Variants in TTN observed in about 807,000 individuals in gnomAD.
The protein encoded by TTN is titin.
TTN carries 1,525 observed loss-of-function variants against 3,223.0 expected under a neutral mutation model. The ratio of observed to expected loss-of-function variants is 0.47; its 90% CI spans 0.45 to 0.49. The LOEUF (loss-of-function observed/expected upper bound fraction) is 0.49, where lower values mean the gene tolerates loss of function less well. TTN is among the 20% of genes least tolerant of loss of function. The probability of loss-of-function intolerance (pLI) is 0.00; values close to 1 mark genes in which losing one functional copy is unlikely to be tolerated. For missense variants in TTN, 40,786 were observed against 43,424.0 expected, an observed-to-expected ratio of 0.94 and a Z score of 5.40; for synonymous variants, 14,094 against 15,161.0, an observed-to-expected ratio of 0.93 and a Z score of 5.17.
At position 178,588,979 on chromosome 2, in the gene TTN, C is replaced by A; in HGVS notation, c.62746G>T (p.Ala20916Ser). 6.2e-7 allele frequency: 1 copy of A among 1,612,214 alleles called. No homozygotes were observed. The highest frequency in any genetic ancestry group is 2.2e-5 in the East Asian group (1 of 44,566). The change falls in exon 304 of 363, where the codon GCT becomes TCT. Residue 20916 changes from alanine (A) to serine (S), a missense_variant. Transcript: ENST00000589042. ...GTAGTACCAGGTGTCAAGACAGTAG[C>A]AGAATAGGTAGACCAAACCATTCGC... is the stretch of plus-strand genomic sequence containing the variant. ...TKRMVWSTYS[A>S]TVLTPGTTVT...
chr2:178,764,303 C>A lies in TTN; in HGVS notation c.9989-1G>T. On this transcript the variant is annotated splice_acceptor_variant, in intron 42 of 362. Coordinates refer to ENST00000589042, the MANE Select transcript of TTN (RefSeq NM_001267550.2). LOFTEE classifies it high-confidence loss of function. ...TGATCAGGAGACACAACTTCTGGAACTAAAGAAAGAAACCACAAGATTTGT... is the reference window on the plus strand; with the variant it reads ...TGATCAGGAGACACAACTTCTGGAAATAAAGAAAGAAACCACAAGATTTGT... 6.2e-7 allele frequency: 1 copy of A among 1,613,826 alleles called. No homozygotes were observed. The highest frequency in any genetic ancestry group is 2.2e-5 in the East Asian group (1 of 44,770).
At chr2:178,715,335 C>T in intron 89 of TTN, 71 bp from the exon 90 acceptor site, 1 of 1,519,490 alleles carries the variant, frequency 6.6e-7, no homozygotes, top group Non-Finnish European at 8.8e-7. Context: ...ATCAATCTTC[C>T]ACTCCATCAG....
In TTN at chr2:178,568,285, T is replaced by G. The variant is rs2154166864; in HGVS notation, c.77847A>C (p.Thr25949=). ...DVVSATVART[T]LKVTKLKTGT... is the part of the protein sequence containing the mutation. ...CAGTTTTCAGTTTGGTCACTTTGAGTGTAGTTCTAGCAACAGTAGCAGAAA... is the reference window on the plus strand; with the variant it reads ...CAGTTTTCAGTTTGGTCACTTTGAGGGTAGTTCTAGCAACAGTAGCAGAAA... The change falls in exon 326 of 363, where the codon ACA becomes ACC. Residue 25949 remains threonine (T), a synonymous_variant. Coordinates refer to ENST00000589042, the MANE Select transcript of TTN (RefSeq NM_001267550.2). The G allele has an allele frequency of 2.5e-6, 4 of 1,613,506 alleles. No homozygotes were observed. Among genetic ancestry groups the G allele is most frequent in the South Asian group, 2.2e-5 (2 of 91,076 alleles).
intron 156 of TTN, 142 bp downstream of exon 156, chr2:178,670,948 A>G (rs1319275231): frequency 3.1e-6 from 2 of 640,250 alleles, no homozygotes; most frequent in Non-Finnish European, 5.2e-6. Context: ...CAGCTGCTTT[A>G]AAGATATTAG....
chr2:178,611,455 A>T lies in TTN; in HGVS notation c.50774T>A (p.Val16925Asp). 1 of 1,612,918 alleles carries T rather than the reference A, an allele frequency of 6.2e-7. No homozygotes were observed. Among genetic ancestry groups the T allele is most frequent in the Non-Finnish European group, 8.5e-7 (1 of 1,179,324 alleles). ...EEGVVPDKEY[V>D]LRVRAVNAIG... ...AGCATTGACTGCTCTCACTCTCAGG[A>T]CATATTCTTTGTCAGGAACAACACC... The change falls in exon 269 of 363, where the codon GTC (valine) becomes GAC (aspartate). Residue 16925 changes from valine (V) to aspartate (D), a missense_variant. Coordinates refer to ENST00000589042, the MANE Select transcript of TTN (RefSeq NM_001267550.2).
At chr2:178,748,418 T>A (rs779788405) in intron 47 of TTN, 1 of 1,613,166 alleles carries the variant, frequency 6.2e-7, no homozygotes, top group Admixed American at 1.7e-5. Context: ...TTTAGAGATA[T>A]TGTGTGTGTC....
At position 178,771,232 on chromosome 2, in the gene TTN, A is replaced by C. The variant is rs373857878; in HGVS notation, c.8095T>G (p.Ser2699Ala). The C allele has an allele frequency of 2.9e-5, 46 of 1,613,954 alleles. No homozygotes were observed. The highest frequency in any genetic ancestry group is 3.6e-5 in the Non-Finnish European group (43 of 1,179,990). The change falls in exon 34 of 363, where the codon TCT (serine) becomes GCT (alanine). Residue 2699 changes from serine (S) to alanine (A), a missense_variant. Coordinates refer to ENST00000589042, the MANE Select transcript of TTN (RefSeq NM_001267550.2). The part of the protein sequence containing the change: ...YTYKVATSKT[S>A]AKLKVEAVKI... ...TTGCCTTCAACTTTGAGTTTGGCAG[A>C]TGTTTTGGAGGTGGCCACCTTGTAG...
In TTN at chr2:178,800,595, G is replaced by T. The variant is rs769628564; in HGVS notation, c.383C>A (p.Thr128Asn). 1.2e-6 allele frequency: 2 copies of T among 1,614,016 alleles called. No individual in the cohort carries two copies. Among genetic ancestry groups the T allele is most frequent in the South Asian group, 2.2e-5 (2 of 91,060 alleles). ...CTTCACCACAGGTGTAGGGATTCCA[G>T]TCACTCTCACTTGGAGTCTCACTTG... ...GSQVRLQVRV[T>N]GIPTPVVKFY... The change falls in exon 4 of 363, where the codon ACT (threonine) becomes AAT (asparagine). Residue 128 changes from threonine to asparagine, a missense_variant. Physicochemically the swap from Thr to Asn is moderately conservative, Grantham distance 65. Coordinates refer to ENST00000589042, the MANE Select transcript of TTN (RefSeq NM_001267550.2).
rs182246497 is a variant in TTN, at chr2:178,575,284, A to T, written c.70848T>A (p.Pro23616=). ...MAVNSAGRSA[P]RESRPVIVKE... is the part of the protein sequence containing the mutation. ...TGACAATGACGGGTCTGCTTTCTCTAGGGGCACTTCTCCCCGCGCTGTTCA... is the reference window on the plus strand; with the variant it reads ...TGACAATGACGGGTCTGCTTTCTCTTGGGGCACTTCTCCCCGCGCTGTTCA... Residue 23616 remains proline, a synonymous_variant, in exon 326 of 363, where the codon CCT becomes CCA. Coordinates refer to ENST00000589042, the MANE Select transcript of TTN (RefSeq NM_001267550.2). The surrounding 1 kb of genome is among the most constrained non-coding windows in gnomAD (Gnocchi z 4.0). 2 of 1,613,318 alleles carry T rather than the reference A, an allele frequency of 1.2e-6. No homozygotes were observed. The highest frequency in any genetic ancestry group is 4.5e-5 in the East Asian group (2 of 44,664).
Position 178,795,090 on chromosome 2 carries a change from C to A in TTN, c.1077G>T (p.Met359Ile). 2 of 1,614,048 alleles carry A rather than the reference C, an allele frequency of 1.2e-6. No homozygotes were observed. Among genetic ancestry groups the A allele is most frequent in the Non-Finnish European group, 1.7e-6 (2 of 1,180,014 alleles). Residue 359 changes from methionine (M) to isoleucine (I), a missense_variant, in exon 7 of 363, where the codon ATG becomes ATT. Transcript: ENST00000589042. ...GYVASSSEAEMRETTLTTSTQ... is the reference protein window; with the variant it reads ...GYVASSSEAEIRETTLTTSTQ... ...TAGAGGTTGTCAGCGTTGTCTCTCT[C>A]ATCTCAGCCTCAGATGAGGAGGCCA...
In TTN at chr2:178,560,141, C is replaced by T; in HGVS notation, c.85991G>A (p.Gly28664Asp). ...PPSKPKIVDSGKTTITIAWVK... is the reference protein window; with the variant it reads ...PPSKPKIVDSDKTTITIAWVK... ...CCAGGCAATAGTTATAGTTGTCTTGCCTGAGTCCACAATTTTGGGTTTGGA... is the reference window on the plus strand; with the variant it reads ...CCAGGCAATAGTTATAGTTGTCTTGTCTGAGTCCACAATTTTGGGTTTGGA... Residue 28664 changes from glycine to aspartate, a missense_variant, in exon 326 of 363, where the codon GGC (glycine) becomes GAC (aspartate). Transcript: ENST00000589042. 1 of 1,613,592 alleles carries T rather than the reference C, an allele frequency of 6.2e-7. No homozygotes were observed. The highest frequency in any genetic ancestry group is 1.7e-4 in the Middle Eastern group (1 of 6,054).
At chr2:178,664,318 T>G in intron 168 of TTN, 142 bp downstream of exon 168, 1 of 790,616 alleles carries the variant, frequency 1.3e-6, no homozygotes, top group East Asian at 2.6e-5. Flanking sequence ...TTGAAGATAT[T>G]AATACATTTA....
chr2:178,576,381 C>T lies in TTN; in HGVS notation c.69751G>A (p.Asp23251Asn). The change falls in exon 326 of 363, where the codon GAT becomes AAT. Residue 23251 changes from aspartate to asparagine, a missense_variant. Physicochemically the swap from Asp to Asn is conservative, Grantham distance 23 (BLOSUM62 1). Coordinates refer to ENST00000589042, the MANE Select transcript of TTN (RefSeq NM_001267550.2). The surrounding 1 kb of genome is among the most constrained non-coding windows in gnomAD (Gnocchi z 4.3). ...AAAGAAGCAGATTTCTTGGTAGTAT[C>T]AGTGACATGCGGATTTGAAGGTGGT... is the stretch of plus-strand genomic sequence containing the variant. The part of the protein sequence containing the change: ...PGPPSNPHVT[D>N]TTKKSASLAW... 1.3e-6 allele frequency: 2 copies of T among 1,561,450 alleles called. No individual in the cohort carries two copies. The highest frequency in any genetic ancestry group is 2.3e-5 in the East Asian group (1 of 44,404).
intron 222 of TTN, 36 bp downstream of exon 222, chr2:178,640,012 G>A: frequency 6.2e-7 from 1 of 1,606,008 alleles, no homozygotes; most frequent in Non-Finnish European, 8.5e-7. Context: ...AATACAGAAA[G>A]AATATGCTGT....
chr2:178,718,337 G>C lies in TTN; in HGVS notation c.24769C>G (p.Leu8257Val), dbSNP rs371322658. 3.1e-5 allele frequency: 50 copies of C among 1,613,314 alleles called. No individual in the cohort carries two copies. The highest frequency in any genetic ancestry group is 4.2e-5 in the Non-Finnish European group (50 of 1,179,550). ...GTCAACACACCTAAGACAGACACCA[G>C]AGCTTCACAGATATCTTGACCAGCC... ...NEAGQDICEA[L>V]VSVLEPPYFI... is the part of the protein sequence containing the mutation. Residue 8257 changes from leucine (L) to valine (V), a missense_variant, in exon 85 of 363, where the codon CTG becomes GTG. Coordinates refer to ENST00000589042, the MANE Select transcript of TTN (RefSeq NM_001267550.2).
In TTN at chr2:178,784,249, G is replaced by T. The variant is rs1320484376; in HGVS notation, c.2596C>A (p.Pro866Thr). The change falls in exon 16 of 363, where the codon CCC becomes ACC. Residue 866 changes from proline to threonine, a missense_variant. Pro to Thr is a conservative substitution (Grantham distance 38, BLOSUM62 -1). Coordinates refer to ENST00000589042, the MANE Select transcript of TTN (RefSeq NM_001267550.2). ...TCTGCCCTTACTCTAGTCTCACTGGGCTTCACAGTAGGAGCCTTCACCGAT... is the reference window on the plus strand; with the variant it reads ...TCTGCCCTTACTCTAGTCTCACTGGTCTTCACAGTAGGAGCCTTCACCGAT... The part of the protein sequence containing the change: ...TKSVKAPTVK[P>T]SETRVRAEPT... 6.2e-7 allele frequency: 1 copy of T among 1,614,014 alleles called. No individual in the cohort carries two copies. Among genetic ancestry groups the T allele is most frequent in the African/African-American group, 1.3e-5 (1 of 74,924 alleles).
In TTN at chr2:178,781,212, A is replaced by G. The variant is rs1574739722; in HGVS notation, c.3432T>C (p.Ser1144=). Residue 1144 remains serine, a synonymous_variant, in exon 21 of 363, where the codon TCT becomes TCC. Transcript: ENST00000589042. The stretch of plus-strand genomic sequence containing the variant: ...CTCCAGCATCATCAGCAAAAGTCAT[A>G]GAAATCACCAGCTTGCATTCACCGG... ...KQTGECKLVI[S]MTFADDAGEY... 3 of 1,614,090 alleles carry G rather than the reference A, an allele frequency of 1.9e-6. No homozygotes were observed. The highest frequency in any genetic ancestry group is 4.5e-5 in the East Asian group (2 of 44,848).
rs76347883 is a variant in TTN, at chr2:178,637,960, A to C, written c.40877-541T>G. Among the ~76,000 whole-genome samples, 771 of 152,182 alleles carry C rather than the reference A, an allele frequency of 5.1e-3. 3 individuals carry two copies. The highest frequency in any genetic ancestry group is 8.5e-3 in the Non-Finnish European group (579 of 67,952). ...TTTCCTTTAGACAATGAAGTAAGGC[A>C]GAAGCAAGAGAGTTCTGACATTTAG... On this transcript the variant is annotated intron_variant, in intron 223 of 362. Transcript: ENST00000589042.
At position 178,696,152 on chromosome 2, in the gene TTN, T is replaced by A; in HGVS notation, c.30920A>T (p.His10307Leu). The change falls in exon 114 of 363, where the codon CAC becomes CTC. Residue 10307 changes from histidine (H) to leucine (L), a missense_variant. Coordinates refer to ENST00000589042, the MANE Select transcript of TTN (RefSeq NM_001267550.2). ...TTCAATGAAGACTCTCTTCTCCTTG[T>A]GGACTGCTTGCTTTTTCTCATACAC... ...EAVYEKKQAV[H>L]KEKRVFIESF... 1 of 1,554,494 alleles carries A rather than the reference T, an allele frequency of 6.4e-7. No individual in the cohort carries two copies. The highest frequency in any genetic ancestry group is 8.7e-7 in the Non-Finnish European group (1 of 1,147,856).
Sources: gnomAD v4.1 joint callset for allele counts (sites outside exome capture counted in the v4.1 genomes callset) on GRCh38, gnomAD v4.1.1 for gene constraint, Gnocchi (gnomAD v3.1) non-coding constraint, MANE v1.5 for transcripts, NCBI Gene and HGNC (gene_info 2026-07-23, HGNC 2026-07-21) for gene names.